TMSB10: variants seen among roughly 807,000 people sequenced by gnomAD.
The protein encoded by TMSB10 is thymosin beta-10.
A neutral mutation model predicts 4.5 loss-of-function variants in TMSB10; 4 were observed. That is an observed-to-expected ratio of 0.89 (90% CI 0.44 to 2.03). The LOEUF is 2.03. Among genes scored for constraint, TMSB10 ranks in the 30% most tolerant of loss-of-function variants. The pLI is 0.03. For missense variants in TMSB10, 44 were observed against 53.9 expected, an observed-to-expected ratio of 0.82 and a Z score of 0.57; for synonymous variants, 17 against 20.3, an observed-to-expected ratio of 0.84 and a Z score of 0.44.
intron 2 of TMSB10, 66 bp downstream of exon 2, chr2:84,906,183 C>G: frequency 6.6e-7 from 1 of 1,509,728 alleles, no homozygotes; most frequent in Non-Finnish European, 9.0e-7. Flanking sequence ...TGCAAACCCA[C>G]TCCTCCACCC....
chr2:84,906,101 C>A lies in TMSB10; in HGVS notation c.84C>A (p.Thr28=). ...LKKTETQEKN[T]LPTKETIEQE... ...AAACGGAGACGCAGGAGAAGAACAC[C>A]CTGCCGACCAAAGAGAGTGAGTGTG... The change falls in exon 2 of 3, where the codon ACC becomes ACA. Residue 28 remains threonine, a synonymous_variant. Coordinates refer to ENST00000233143, the MANE Select transcript of TMSB10 (RefSeq NM_021103.4). 1 of 1,614,006 alleles carries A rather than the reference C, an allele frequency of 6.2e-7. No individual in the cohort carries two copies. The highest frequency in any genetic ancestry group is 8.5e-7 in the Non-Finnish European group (1 of 1,179,948).
chr2:84,906,340 G>T, intron 2 of TMSB10, 49 bp from the exon 3 acceptor site: 2 of 1,563,404 alleles, frequency 1.3e-6, no homozygotes, highest in Non-Finnish European at 8.7e-7. Flanking sequence ...CCTCGGTTGC[G>T]GGTGGGGGTT....
In TMSB10 at chr2:84,906,047, C is replaced by T; in HGVS notation, c.30C>T (p.Ile10=). The T allele has an allele frequency of 6.2e-7, 1 of 1,614,028 alleles. No homozygotes were observed. Residue 10 remains isoleucine, a synonymous_variant, in exon 2 of 3, where the codon ATC becomes ATT. Transcript: ENST00000233143. ...CAGACAAACCAGACATGGGGGAAAT[C>T]GCCAGCTTCGATAAGGCCAAGCTGA... The part of the protein sequence containing the change: MADKPDMGE[I]ASFDKAKLKK...
rs761483424 is a variant in TMSB10, at chr2:84,906,117, A to T, written c.100A>T (p.Thr34Ser). 1.2e-6 allele frequency: 2 copies of T among 1,613,774 alleles called. No homozygotes were observed. Among genetic ancestry groups the T allele is most frequent in the African/African-American group, 1.3e-5 (1 of 74,984 alleles). Residue 34 changes from threonine to serine, a missense_variant and splice_region_variant, in exon 2 of 3, where the codon ACC becomes TCC. Coordinates refer to ENST00000233143, the MANE Select transcript of TMSB10 (RefSeq NM_021103.4). Reference protein sequence around the residue: ...QEKNTLPTKETIEQEKRSEIS With the variant: ...QEKNTLPTKESIEQEKRSEIS Reference sequence around the variant, plus strand: ...GAAGAACACCCTGCCGACCAAAGAGAGTGAGTGTGCCTCGGTCTCCCGCGC... The same window carrying T: ...GAAGAACACCCTGCCGACCAAAGAGTGTGAGTGTGCCTCGGTCTCCCGCGC...
Position 84,905,731 on chromosome 2 carries a change from C to T in TMSB10, c.-16+13C>T. The T allele has an allele frequency of 1.0e-5, 3 of 297,856 alleles. No homozygotes were observed. In the South Asian group the frequency reaches 1.3e-4, roughly 12 times the overall value. The allele number at this position is 297,856 out of a possible 1,614,324, so 18.5% of individuals were successfully genotyped here. A position where few individuals can be genotyped will look rare whatever the true frequency, so the allele number is the denominator to read the frequency against. ...ACGAGACTGCACGGTGAGTGCGGCG[C>T]CGGGGCGGGGGGCCCACCCAGGGTG... On this transcript the variant is annotated intron_variant, in intron 1 of 2. Transcript: ENST00000233143.
chr2:84,906,147 G>A (rs1228533455), intron 2 of TMSB10, 30 bp downstream of exon 2: 1 of 1,605,404 alleles, frequency 6.2e-7, no homozygotes, highest in Non-Finnish European at 8.5e-7. Flanking sequence ...CCGCGCCCCA[G>A]CCCAGCCCCT....
rs920743665 is a variant in TMSB10, at chr2:84,906,575, C to A, written c.*152C>A. On this transcript the variant is annotated 3_prime_UTR_variant, in exon 3 of 3. Coordinates refer to ENST00000233143, the MANE Select transcript of TMSB10 (RefSeq NM_021103.4). ...ACCGGCCTGTGGGTCTCTGAAGGGA[C>A]CCCCCCCCAATCGGACTGCCAAATT... 2 of 517,656 alleles carry A rather than the reference C, an allele frequency of 3.9e-6. No homozygotes were observed. Among genetic ancestry groups the A allele is most frequent in the Admixed American group, 4.7e-5 (1 of 21,074 alleles). The allele number at this position is 517,656 out of a possible 1,614,324, so 32.1% of individuals were successfully genotyped here. A position where few individuals can be genotyped will look rare whatever the true frequency, so the allele number is the denominator to read the frequency against.
chr2:84,905,942 G>T, intron 1 of TMSB10, 61 bp from the exon 2 acceptor site: 1 of 1,438,916 alleles, frequency 6.9e-7, no homozygotes, highest in Non-Finnish European at 9.7e-7. Flanking sequence ...GCGTCGGCGG[G>T]GAGCGCGGAA....
Position 84,906,665 on chromosome 2 carries a change from C to T in TMSB10, c.*242C>T. On this transcript the variant is annotated 3_prime_UTR_variant, in exon 3 of 3. Coordinates refer to ENST00000233143, the MANE Select transcript of TMSB10 (RefSeq NM_021103.4). ...TGAATAATGAAAATAAAACACACCT[C>T]GTGGCATGGCTGGCGTGGTCTGAGT... is the stretch of plus-strand genomic sequence containing the variant. 1 of 399,840 alleles carries T rather than the reference C, an allele frequency of 2.5e-6. No homozygotes were observed. The highest frequency in any genetic ancestry group is 4.5e-6 in the Non-Finnish European group (1 of 224,470). The allele number at this position is 399,840 out of a possible 1,614,324, so 24.8% of individuals were successfully genotyped here.
rs770777485 is a variant in TMSB10 at position 84,906,468 on chromosome 2, C to T, written c.*45C>T. ...CCCCCGTCCTCTTCGAGACCCCAGT[C>T]GTGATGTGGAGGAAGAGCCACCTGC... On this transcript the variant is annotated 3_prime_UTR_variant, in exon 3 of 3. Transcript: ENST00000233143. 29 of 1,580,422 alleles carry T rather than the reference C, an allele frequency of 1.8e-5. No individual in the cohort carries two copies. The Admixed American group carries it at 5.0e-4, about 27-fold the overall frequency.
Position 84,906,567 on chromosome 2 carries a change from TGAA to T in TMSB10, c.*146_*148del. 1 of 842,928 alleles carries T rather than the reference TGAA, an allele frequency of 1.2e-6. No homozygotes were observed. The highest frequency in any genetic ancestry group is 1.7e-6 in the Non-Finnish European group (1 of 595,222). 52.2% of individuals were successfully genotyped at this position (842,928 alleles called of 1,614,324 possible). On this transcript the variant is annotated 3_prime_UTR_variant, in exon 3 of 3. Coordinates refer to ENST00000233143, the MANE Select transcript of TMSB10 (RefSeq NM_021103.4). ...CCGATGCCACCGGCCTGTGGGTCTCTGAAGGGACCCCCCCCCAATCGGACTGCC... is the reference window on the plus strand; with the variant it reads ...CCGATGCCACCGGCCTGTGGGTCTCTGGGACCCCCCCCCAATCGGACTGCC...
intron 2 of TMSB10, 118 bp downstream of exon 2, chr2:84,906,235 T>C: frequency 7.0e-7 from 1 of 1,425,284 alleles, no homozygotes; most frequent in Non-Finnish European, 9.5e-7. Flanking sequence ...CCCCGGCCAC[T>C]CTTTCAGTTT....
intron 1 of TMSB10, 47 bp from the exon 2 acceptor site, chr2:84,905,956 G>T (rs1426919880): frequency 3.3e-6 from 5 of 1,526,660 alleles, no homozygotes; most frequent in Admixed American, 3.5e-5. Flanking sequence ...CGCGGAAGGG[G>T]ACGCTGGCCC....
rs924312427 is a variant in TMSB10, at chr2:84,906,490, C to G, written c.*67C>G. ...AGTCGTGATGTGGAGGAAGAGCCAC[C>G]TGCAAGATGGACACGAGCCACAAGC... is the stretch of plus-strand genomic sequence containing the variant. On this transcript the variant is annotated 3_prime_UTR_variant, in exon 3 of 3. Coordinates refer to ENST00000233143, the MANE Select transcript of TMSB10 (RefSeq NM_021103.4). 6.6e-7 allele frequency: 1 copy of G among 1,514,304 alleles called. No homozygotes were observed. The highest frequency in any genetic ancestry group is 8.9e-7 in the Non-Finnish European group (1 of 1,128,140). 93.8% of individuals were successfully genotyped at this position (1,514,304 alleles called of 1,614,324 possible).
At chr2:84,906,340 G>A in intron 2 of TMSB10, 49 bp from the exon 3 acceptor site, 1 of 1,563,406 alleles carries the variant, frequency 6.4e-7, no homozygotes, top group Non-Finnish European at 8.7e-7. Flanking sequence ...CCTCGGTTGC[G>A]GGTGGGGGTT....
chr2:84,906,527 C>A lies in TMSB10; in HGVS notation c.*104C>A. The A allele has an allele frequency of 7.4e-7, 1 of 1,353,198 alleles. No homozygotes were observed. Among genetic ancestry groups the A allele is most frequent in the South Asian group, 1.4e-5 (1 of 70,150 alleles). The allele number at this position is 1,353,198 out of a possible 1,614,324, so 83.8% of individuals were successfully genotyped here. A position where few individuals can be genotyped will look rare whatever the true frequency, so the allele number is the denominator to read the frequency against. ...CACGAGCCACAAGCTGCACTGTGAA[C>A]CTGGGCACTCCGCGCCGATGCCACC... On this transcript the variant is annotated 3_prime_UTR_variant, in exon 3 of 3. Transcript: ENST00000233143.
chr2:84,906,313 GC>G, intron 2 of TMSB10, 75 bp from the exon 3 acceptor site: 1 of 1,519,288 alleles, frequency 6.6e-7, no homozygotes. Context: ...TGGGTGCCTC[GC>G]CCACACCGGG....
chr2:84,906,052 G>A lies in TMSB10; in HGVS notation c.35G>A (p.Ser12Asn), dbSNP rs746356857. ...AAACCAGACATGGGGGAAATCGCCA[G>A]CTTCGATAAGGCCAAGCTGAAGAAA... is the stretch of plus-strand genomic sequence containing the variant. Reference protein sequence around the residue: ...ADKPDMGEIASFDKAKLKKTE... With the variant: ...ADKPDMGEIANFDKAKLKKTE... The change falls in exon 2 of 3, where the codon AGC (serine) becomes AAC (asparagine). Residue 12 changes from serine to asparagine, a missense_variant. By Grantham distance (46) the Ser-to-Asn change is conservative (BLOSUM62 1). Transcript: ENST00000233143. 6.8e-6 allele frequency: 11 copies of A among 1,614,006 alleles called. No homozygotes were observed. The highest frequency in any genetic ancestry group is 9.3e-6 in the Non-Finnish European group (11 of 1,180,010).
rs1277494810 is a variant in TMSB10 at position 84,906,377 on chromosome 2, C to T, written c.101-12C>T. 1.3e-6 allele frequency: 2 copies of T among 1,597,532 alleles called. No individual in the cohort carries two copies. The highest frequency in any genetic ancestry group is 1.7e-6 in the Non-Finnish European group (2 of 1,172,084). On this transcript the variant is annotated splice_polypyrimidine_tract_variant and intron_variant, in intron 2 of 2. Coordinates refer to ENST00000233143, the MANE Select transcript of TMSB10 (RefSeq NM_021103.4). Reference sequence around the variant, plus strand: ...CAGCTCCCCTCCAGCGCCCGCTTCCCGCTCTCCACAGCCATTGAGCAGGAG... The same window carrying T: ...CAGCTCCCCTCCAGCGCCCGCTTCCTGCTCTCCACAGCCATTGAGCAGGAG...
Sources: allele counts gnomAD v4.1 joint callset, GRCh38; gene constraint gnomAD v4.1.1; transcripts MANE v1.5; gene names NCBI Gene and HGNC (gene_info 2026-07-23, HGNC 2026-07-21).